The following ADPRM variants were observed in gnomAD, a reference collection of about 807,000 sequenced individuals.
ADPRM encodes ADP-ribose/CDP-alcohol diphosphatase, manganese dependent.
A neutral mutation model predicts 27.2 loss-of-function variants in ADPRM; 17 were observed. The ratio of observed to expected loss-of-function variants is 0.63; its 90% confidence interval spans 0.43 to 0.94. The LOEUF is 0.94. ADPRM is among the 40% of genes least tolerant of loss of function. The pLI is 0.00. For missense variants in ADPRM, 337 were observed against 412.8 expected (o/e 0.82, Z 1.59); for synonymous variants, 135 against 145.3 (o/e 0.93, Z 0.51).
chr17:10,705,149 A>G lies in ADPRM; in HGVS notation c.223A>G (p.Ile75Val), dbSNP rs761104737. The G allele has an allele frequency of 4.3e-6, 7 of 1,614,098 alleles. No individual in the cohort carries two copies. In the Admixed American group the frequency reaches 8.3e-5, roughly 19 times the overall value. ...CTGTTGTGTCCTTCAGCTTGGAGAT[A>G]TCATCGATGGATATAATGCACAGTA... Reference protein sequence around the residue: ...MPCCVLQLGDIIDGYNAQYNA... With the variant: ...MPCCVLQLGDVIDGYNAQYNA... Residue 75 changes from isoleucine (I) to valine (V), a missense_variant, in exon 2 of 4, where the codon ATC (isoleucine) becomes GTC (valine). Physicochemically the swap from Ile to Val is conservative, Grantham distance 29. Coordinates refer to ENST00000379774, the MANE Select transcript of ADPRM (RefSeq NM_020233.5). This position sits in a 1 kb window ranked among gnomAD's most constrained non-coding sequence, Gnocchi z 5.4.
At chr17:10,704,557 TGTGTGC>T (rs2074801392) in intron 1 of ADPRM, among the ~76,000 whole-genome samples, 1 of 151,730 alleles carries the variant, frequency 6.6e-6, no homozygotes, top group Admixed American at 6.6e-5. Context: ...GGGGTATATG[TGTGTGC>T]GTGTGCATGT....
At chr17:10,699,925 T>C (rs2074765555) in intron 1 of ADPRM, among the ~76,000 whole-genome samples, 1 of 152,220 alleles carries the variant, frequency 6.6e-6, no homozygotes, top group Non-Finnish European at 1.5e-5. Context: ...GTTCTTGACA[T>C]AACTTTAGGC....
intron 1 of ADPRM, among the ~76,000 whole-genome samples, chr17:10,699,518 CTT>C (rs781412834): frequency 0.035 from 3,906 of 113,050 alleles, 79 homozygotes; most frequent in African/African-American, 0.12. Context: ...TCTTTTCTTT[CTT>C]TTTTTTTTTT....
At chr17:10,700,785 A>AG (rs58228350) in intron 1 of ADPRM, among the ~76,000 whole-genome samples, 1 of 150,728 alleles carries the variant, frequency 6.6e-6, no homozygotes, top group East Asian at 1.9e-4. Flanking sequence ...AAAAAAAAAA[A>AG]TCTCTCATGC....
Position 10,697,597 on chromosome 17 carries a change from C to A in ADPRM, c.-88C>A. 21 of 1,504,166 alleles carry A rather than the reference C, an allele frequency of 1.4e-5. No homozygotes were observed. Among genetic ancestry groups the A allele is most frequent in the Non-Finnish European group, 1.9e-5 (21 of 1,092,298 alleles). 93.2% of individuals were successfully genotyped at this position (1,504,166 alleles called of 1,614,324 possible). ...GGAAGTCGGAAGGAGTCGCTCTGTC[C>A]GTCCCGCTCGTTGGTGGCGCTGTTA... On this transcript the variant is annotated 5_prime_UTR_variant, in exon 1 of 4. Transcript: ENST00000379774.
chr17:10,705,361 A>G lies in ADPRM; in HGVS notation c.435A>G (p.Glu145=), dbSNP rs1044866597. 6.2e-7 allele frequency: 1 copy of G among 1,613,998 alleles called. No homozygotes were observed. The highest frequency in any genetic ancestry group is 1.6e-4 in the Middle Eastern group (1 of 6,062). ...ATCATCCTGAGACCATGCCTTCAGA[A>G]GATTATTATGCTTATCATTTTGTAC... is the stretch of plus-strand genomic sequence containing the variant. The part of the protein sequence containing the change: ...IVHHPETMPS[E]DYYAYHFVPF... Residue 145 remains glutamate (E), a synonymous_variant, in exon 2 of 4, where the codon GAA becomes GAG. Transcript: ENST00000379774. The surrounding 1 kb of genome is among the most constrained non-coding windows in gnomAD (Gnocchi z 5.4).
intron 1 of ADPRM, among the ~76,000 whole-genome samples, chr17:10,699,518 C>CTTTTTTTTTTTTT (rs781412834): frequency 1.8e-5 from 2 of 113,340 alleles, no homozygotes; most frequent in African/African-American, 6.8e-5. Flanking sequence ...TCTTTTCTTT[C>CTTTTTTTTTTTTT]TTTTTTTTTT....
chr17:10,706,268 G>T (rs2074811884), intron 2 of ADPRM, among the ~76,000 whole-genome samples, 170 bp from the exon 3 acceptor site: 1 of 150,232 alleles, frequency 6.7e-6, no homozygotes, highest in Non-Finnish European at 1.5e-5. Context: ...GATGCAGTGT[G>T]ATATATATAT....
rs1297427269 is a variant in ADPRM at position 10,711,402 on chromosome 17, G to T, written c.*258G>T. Among the ~76,000 whole-genome samples, 2 of 152,138 alleles carry T rather than the reference G, an allele frequency of 1.3e-5. No homozygotes were observed. The highest frequency in any genetic ancestry group is 2.9e-5 in the Non-Finnish European group (2 of 68,032). On this transcript the variant is annotated 3_prime_UTR_variant, in exon 4 of 4. Coordinates refer to ENST00000379774, the MANE Select transcript of ADPRM (RefSeq NM_020233.5). The stretch of plus-strand genomic sequence containing the variant: ...TAAGGGGCATATAGTCCTCATGAGG[G>T]ATCTTATTTGGCCCTACCTGATTTT...
At chr17:10,700,065 A>G (rs1008285717) in intron 1 of ADPRM, among the ~76,000 whole-genome samples, 5 of 152,112 alleles carry the variant, frequency 3.3e-5, no homozygotes, top group African/African-American at 7.2e-5. Context: ...TCCTGCCCCA[A>G]CTTAACTTTC....
rs555822505 is a variant in ADPRM, at chr17:10,697,627, G to T, written c.-58G>T. On this transcript the variant is annotated 5_prime_UTR_variant, in exon 1 of 4. Coordinates refer to ENST00000379774, the MANE Select transcript of ADPRM (RefSeq NM_020233.5). ...CGCTCGTTGGTGGCGCTGTTACATA[G>T]CCCGTAGTCAGAGGCCTTTCAGCCC... The T allele has an allele frequency of 3.2e-3, 4,076 of 1,284,416 alleles. 14 individuals carry two copies. Among genetic ancestry groups the T allele is most frequent in the Non-Finnish European group, 3.9e-3 (3,490 of 904,914 alleles). 79.6% of individuals were successfully genotyped at this position (1,284,416 alleles called of 1,614,324 possible). A position where few individuals can be genotyped will look rare whatever the true frequency, so the allele number is the denominator to read the frequency against.
Position 10,711,243 on chromosome 17 carries a change from C to A in ADPRM, c.*99C>A. The A allele has an allele frequency of 2.2e-6, 2 of 927,726 alleles. No homozygotes were observed. Among genetic ancestry groups the A allele is most frequent in the Non-Finnish European group, 1.6e-6 (1 of 631,190 alleles). The allele number at this position is 927,726 out of a possible 1,614,324, so 57.5% of individuals were successfully genotyped here. A position where few individuals can be genotyped will look rare whatever the true frequency, so the allele number is the denominator to read the frequency against. ...GTCTCATTGTTTAGTATTCAGCTTG[C>A]ATAACAAAATGTATTTATAGTTTCA... On this transcript the variant is annotated 3_prime_UTR_variant, in exon 4 of 4. Coordinates refer to ENST00000379774, the MANE Select transcript of ADPRM (RefSeq NM_020233.5).
rs1259008292 is a variant in ADPRM, at chr17:10,705,761, G to A, written c.601+234G>A. The A allele has an allele frequency of 1.0e-5, 6 of 587,218 alleles. No homozygotes were observed. Among genetic ancestry groups the A allele is most frequent in the African/African-American group, 5.6e-5 (3 of 53,524 alleles). 36.4% of individuals were successfully genotyped at this position (587,218 alleles called of 1,614,324 possible). ...CACTTTTTCTAGGGGTAGATATTCC[G>A]AGCTGTAAACAATACTAACAATATT... is the stretch of plus-strand genomic sequence containing the variant. On this transcript the variant is annotated intron_variant, in intron 2 of 3. Coordinates refer to ENST00000379774, the MANE Select transcript of ADPRM (RefSeq NM_020233.5). This position sits in a 1 kb window ranked among gnomAD's most constrained non-coding sequence, Gnocchi z 5.4.
chr17:10,704,563 C>T (rs1161578513), intron 1 of ADPRM, among the ~76,000 whole-genome samples: 3 of 149,780 alleles, frequency 2.0e-5, no homozygotes, highest in African/African-American at 4.9e-5. Context: ...TATGTGTGTG[C>T]GTGTGCATGT....
chr17:10,697,753 G>GGGCTGCCTTAGGGGTCCAGGTGCGC (rs2074744284), intron 1 of ADPRM, 86 bp downstream of exon 1: 1 of 590,028 alleles, frequency 1.7e-6, no homozygotes, highest in African/African-American at 1.9e-5. Context: ...GCCGGGAAGG[G>GGGCTGCCTTAGGGGTCCAGGTGCGC]GGCTGCCTTA....
chr17:10,709,736 T>G (rs1308609682), intron 3 of ADPRM, among the ~76,000 whole-genome samples: 1 of 107,578 alleles, frequency 9.3e-6, no homozygotes, highest in Non-Finnish European at 2.0e-5. Flanking sequence ...AAAAAAAAAT[T>G]GTATTACAAA....
At position 10,706,529 on chromosome 17, in the gene ADPRM, A is replaced by C; in HGVS notation, c.693A>C (p.Thr231=). 2 of 1,583,030 alleles carry C rather than the reference A, an allele frequency of 1.3e-6. No homozygotes were observed. The highest frequency in any genetic ancestry group is 1.7e-6 in the Non-Finnish European group (2 of 1,168,570). The change falls in exon 3 of 4, where the codon ACA becomes ACC. Residue 231 remains threonine (T), a synonymous_variant. Coordinates refer to ENST00000379774, the MANE Select transcript of ADPRM (RefSeq NM_020233.5). ...ATGAAGTGCTAACATTCTCTGACAC[A>C]AACCAAGAAAAGGTGGTGATTGTGA... The part of the protein sequence containing the change: ...WLNEVLTFSD[T]NQEKVVIVSH...
Position 10,711,157 on chromosome 17 carries a change from T to C in ADPRM, c.*13T>C. On this transcript the variant is annotated 3_prime_UTR_variant, in exon 4 of 4. Transcript: ENST00000379774. ...CTTCCATTGTTAGTCTAATTTATTTTAACTTGATAGAAAATGAGCTTTGTG... is the reference window on the plus strand; with the variant it reads ...CTTCCATTGTTAGTCTAATTTATTTCAACTTGATAGAAAATGAGCTTTGTG... 6.3e-7 allele frequency: 1 copy of C among 1,576,258 alleles called. No homozygotes were observed. The highest frequency in any genetic ancestry group is 1.7e-4 in the Middle Eastern group (1 of 5,880).
intron 3 of ADPRM, 38 bp downstream of exon 3, chr17:10,706,592 G>T (rs2151463743): frequency 7.0e-7 from 1 of 1,421,270 alleles, no homozygotes; most frequent in Non-Finnish European, 9.5e-7. Flanking sequence ...TAACATTTTA[G>T]AGATTGGGAA....
Sources: allele counts gnomAD v4.1 joint callset (sites outside exome capture counted in the v4.1 genomes callset), GRCh38; gene constraint gnomAD v4.1.1; non-coding constraint Gnocchi (gnomAD v3.1); transcripts MANE v1.5; gene names NCBI Gene and HGNC (gene_info 2026-07-23, HGNC 2026-07-21).